Variants in EEFSEC observed in about 807,000 individuals in gnomAD.
The protein encoded by EEFSEC is selenocysteine-specific elongation factor.
In EEFSEC, 43 loss-of-function variants were observed where a neutral mutation model predicts 42.1. The observed-to-expected ratio is 1.02, with a 90% CI of 0.80 to 1.32. EEFSEC has a LOEUF of 1.32. Among genes scored for constraint, EEFSEC ranks in the 40% most tolerant of loss-of-function variants. The pLI, the probability that EEFSEC is intolerant of heterozygous loss-of-function variation, is 0.00. For missense variants in EEFSEC, 745 were observed against 803.6 expected, an observed-to-expected ratio of 0.93 and a Z score of 0.88; for synonymous variants, 354 against 339.1, an observed-to-expected ratio of 1.04 and a Z score of -0.48.
chr3:128,155,783 A>C (rs528630736), intron 1 of EEFSEC, among the ~76,000 whole-genome samples: 1 of 152,158 alleles, frequency 6.6e-6, no homozygotes, highest in Non-Finnish European at 1.5e-5. Flanking sequence ...TTACCTCCCA[A>C]CTGTTTCATG....
chr3:128,367,302 G>T (rs1028549678), intron 6 of EEFSEC, among the ~76,000 whole-genome samples: 1 of 152,224 alleles, frequency 6.6e-6, no homozygotes, highest in African/African-American at 2.4e-5. Flanking sequence ...GAGCATTTGT[G>T]TATTGGCAGC....
At chr3:128,411,257 G>T (rs1474922118), downstream of EEFSEC, among the ~76,000 whole-genome samples, 8 of 152,236 alleles carry the variant, frequency 5.3e-5, no homozygotes, top group East Asian at 1.2e-3. Context: ...GGCAACCCCA[G>T]GCCCGCGTGT....
intron 2 of EEFSEC, among the ~76,000 whole-genome samples, chr3:128,256,250 T>C (rs2066240685): frequency 1.3e-5 from 2 of 152,212 alleles, no homozygotes; most frequent in Non-Finnish European, 1.5e-5. Flanking sequence ...AGTATCTAGC[T>C]AGAATTTAAT....
At chr3:128,277,044 C>G (rs1217462138) in intron 4 of EEFSEC, among the ~76,000 whole-genome samples, 1 of 152,220 alleles carries the variant, frequency 6.6e-6, no homozygotes, top group Non-Finnish European at 1.5e-5. Context: ...GGCAGAGCGG[C>G]TCTGCCTGCC....
intron 4 of EEFSEC, among the ~76,000 whole-genome samples, chr3:128,279,715 C>G (rs1372620411): frequency 2.0e-5 from 3 of 152,226 alleles, no homozygotes; most frequent in Admixed American, 2.0e-4. Context: ...CACACATTCC[C>G]TGTCCCCCTG....
At chr3:128,240,147 C>T (rs2066055059) in intron 1 of EEFSEC, among the ~76,000 whole-genome samples, 1 of 152,236 alleles carries the variant, frequency 6.6e-6, no homozygotes, top group South Asian at 2.1e-4. Context: ...CCTCCCCTTT[C>T]CCCTTCCCCA....
chr3:128,156,230 C>A (rs1415885106), intron 1 of EEFSEC, among the ~76,000 whole-genome samples: 1 of 152,178 alleles, frequency 6.6e-6, no homozygotes, highest in African/African-American at 2.4e-5. Context: ...TAGTGGTAAC[C>A]ACACAACTAT....
chr3:128,219,831 A>G (rs889915263), intron 1 of EEFSEC, among the ~76,000 whole-genome samples: 7 of 151,826 alleles, frequency 4.6e-5, no homozygotes, highest in African/African-American at 1.5e-4. Flanking sequence ...GTGCCCATCT[A>G]GTGTGTCCCT....
At chr3:128,229,815 C>G (rs937537408) in intron 1 of EEFSEC, among the ~76,000 whole-genome samples, 1 of 152,140 alleles carries the variant, frequency 6.6e-6, no homozygotes, top group African/African-American at 2.4e-5. Flanking sequence ...TCCTGTCTGG[C>G]CATGGTGTAC....
chr3:128,328,507 T>G (rs2067090169), intron 4 of EEFSEC, among the ~76,000 whole-genome samples: 1 of 152,162 alleles, frequency 6.6e-6, no homozygotes, highest in African/African-American at 2.4e-5. Flanking sequence ...TTCCAGCAAG[T>G]TGTAAGGATA....
chr3:128,420,728 G>T, the EEFSEC span, among the ~76,000 whole-genome samples: 1 of 152,176 alleles, frequency 6.6e-6, no homozygotes, highest in South Asian at 2.1e-4. Flanking sequence ...AGAAGTGGGG[G>T]CCCCAATACT....
chr3:128,233,920 G>A (rs2065982815), intron 1 of EEFSEC, among the ~76,000 whole-genome samples: 1 of 152,002 alleles, frequency 6.6e-6, no homozygotes, highest in Non-Finnish European at 1.5e-5. Context: ...TTCCTTCCTG[G>A]GCTATTAAGA....
intron 6 of EEFSEC, among the ~76,000 whole-genome samples, chr3:128,393,417 AGCTCTGTTTCACTGGTGTTG>A (rs1182370520): frequency 1.3e-5 from 2 of 152,214 alleles, no homozygotes; most frequent in East Asian, 3.9e-4. Context: ...CATGAACACC[AGCTCTGTTTCACTGGTGTTG>A]GCTCTGTCCC....
intron 4 of EEFSEC, among the ~76,000 whole-genome samples, chr3:128,283,030 G>A (rs2066544981): frequency 6.6e-6 from 1 of 152,260 alleles, no homozygotes; most frequent in South Asian, 2.1e-4. Context: ...CAGGAGGCCT[G>A]CAGTGGATTT....
chr3:128,272,599 C>T (rs2066426058), intron 4 of EEFSEC, among the ~76,000 whole-genome samples: 1 of 152,184 alleles, frequency 6.6e-6, no homozygotes, highest in African/African-American at 2.4e-5. Flanking sequence ...CCACACGGTT[C>T]CAGTCAGGGC....
chr3:128,275,152 G>C (rs930666027), intron 4 of EEFSEC, among the ~76,000 whole-genome samples: 7 of 152,174 alleles, frequency 4.6e-5, no homozygotes, highest in Admixed American at 1.3e-4. Context: ...GCAGGACCTC[G>C]ATACTGGGGC....
At chr3:128,368,585 GTAGCTCAGCT>G (rs2067617948) in intron 6 of EEFSEC, among the ~76,000 whole-genome samples, 1 of 152,204 alleles carries the variant, frequency 6.6e-6, no homozygotes, top group Non-Finnish European at 1.5e-5. Context: ...CCTGGATGTG[GTAGCTCAGCT>G]GAGCCTTGCT....
chr3:128,425,418 G>T, the EEFSEC span, among the ~76,000 whole-genome samples: 32 of 152,028 alleles, frequency 2.1e-4, 1 homozygote, highest in Admixed American at 7.2e-4. Context: ...AGGACACTCG[G>T]GCTGCTTCCA....
At chr3:128,220,826 C>G (rs1420867275) in intron 1 of EEFSEC, among the ~76,000 whole-genome samples, 1 of 152,212 alleles carries the variant, frequency 6.6e-6, no homozygotes, top group Non-Finnish European at 1.5e-5. Flanking sequence ...ATGTGCATTG[C>G]TGCCAGTTCT....
Sources: gnomAD v4.1 joint callset for allele counts (sites outside exome capture counted in the v4.1 genomes callset) on GRCh38, gnomAD v4.1.1 for gene constraint, MANE v1.5 for transcripts, NCBI Gene and HGNC (gene_info 2026-07-23, HGNC 2026-07-21) for gene names.